Variants in TBCEL observed in about 807,000 individuals in gnomAD.
TBCEL encodes tubulin-specific chaperone cofactor E-like protein.
In TBCEL, 15 loss-of-function variants were observed where a neutral mutation model predicts 44.2. The observed-to-expected ratio is 0.34, with a 90% CI of 0.23 to 0.52. TBCEL has a LOEUF of 0.52. Among genes scored for constraint, TBCEL ranks in the 20% least tolerant of loss-of-function variants. The pLI is 0.95. For synonymous variants in TBCEL, 171 were observed against 185.4 expected (o/e 0.92, Z 0.63); for missense variants, 319 against 506.3 (o/e 0.63, Z 3.55).
intron 1 of TBCEL, among the ~76,000 whole-genome samples, chr11:121,024,505 T>C (rs540430296): frequency 1.7e-5 from 2 of 114,754 alleles, no homozygotes; most frequent in East Asian, 3.0e-4. Context: ...GCCTGGGCTA[T>C]GGCGGAGCTG....
intron 6 of TBCEL, among the ~76,000 whole-genome samples, chr11:121,057,315 A>G (rs1246944998): frequency 1.3e-5 from 2 of 151,862 alleles, no homozygotes; most frequent in East Asian, 3.9e-4. Context: ...AAAATTGACC[A>G]GCTTCATTAT....
At chr11:121,057,612 A>C in intron 6 of TBCEL, 1 of 454,940 alleles carries the variant, frequency 2.2e-6, no homozygotes, top group South Asian at 1.6e-5. Context: ...ATGGGGAAGA[A>C]GGGTAGTTGT....
chr11:121,053,780 T>TA, intron 5 of TBCEL, 48 bp downstream of exon 5: 1 of 1,589,198 alleles, frequency 6.3e-7, no homozygotes, highest in Non-Finnish European at 8.6e-7. Flanking sequence ...GCCATCTGTG[T>TA]TAGTACATAG....
At chr11:121,027,339 G>C (rs1945063994) in intron 1 of TBCEL, among the ~76,000 whole-genome samples, 1 of 152,178 alleles carries the variant, frequency 6.6e-6, no homozygotes. Flanking sequence ...TTTGGAATTA[G>C]AATGGTAATA....
intron 4 of TBCEL, 104 bp from the exon 5 acceptor site, chr11:121,053,447 T>C: frequency 1.0e-6 from 1 of 986,644 alleles, no homozygotes; most frequent in Non-Finnish European, 1.5e-6. Flanking sequence ...TTGATGTAAA[T>C]GGCCCTTTGC....
intron 5 of TBCEL, among the ~76,000 whole-genome samples, chr11:121,054,196 A>C (rs934473099): frequency 1.3e-5 from 2 of 151,926 alleles, no homozygotes; most frequent in Non-Finnish European, 2.9e-5. Flanking sequence ...TGTCAATTAA[A>C]ACATGCTTTA....
At chr11:121,072,854 A>G (rs1677436942) in intron 8 of TBCEL, among the ~76,000 whole-genome samples, 1 of 152,098 alleles carries the variant, frequency 6.6e-6, no homozygotes, top group Non-Finnish European at 1.5e-5. Context: ...ACTTAAATCT[A>G]CCTGGAATTA....
At position 121,088,184 on chromosome 11, in the gene TBCEL, A is replaced by G. The variant is rs1175620501; in HGVS notation, c.*1088A>G. On this transcript the variant is annotated 3_prime_UTR_variant, in exon 9 of 9. Coordinates refer to ENST00000683345, the MANE Select transcript of TBCEL (RefSeq NM_001363644.2). ...AGCCCTTGCTCTTGCACTTTGCATT[A>G]AAAGTGGGAAACATTAATCAAAGGG... 1 of 152,208 alleles carries G rather than the reference A, an allele frequency of 6.6e-6. No individual in the cohort carries two copies. Among genetic ancestry groups the G allele is most frequent in the Non-Finnish European group, 1.5e-5 (1 of 68,036 alleles). The allele number at this position is 152,208 out of a possible 1,614,324, so 9.4% of individuals were successfully genotyped here.
chr11:121,090,637 C>T lies in TBCEL; in HGVS notation c.*3541C>T, dbSNP rs573975107. 4.0e-5 allele frequency: 6 copies of T among 150,646 alleles called. No individual in the cohort carries two copies. In the East Asian group the frequency reaches 7.7e-4, roughly 19 times the overall value. 9.3% of individuals were successfully genotyped at this position (150,646 alleles called of 1,614,324 possible). A position where few individuals can be genotyped will look rare whatever the true frequency, so the allele number is the denominator to read the frequency against. On this transcript the variant is annotated 3_prime_UTR_variant, in exon 9 of 9. Transcript: ENST00000683345. ...GGCTCTTTACTTGCCAGTTGTCTCC[C>T]GCAGTTAATGGAAATATATATACAT...
At chr11:121,073,739 G>T (rs1318552071) in intron 8 of TBCEL, among the ~76,000 whole-genome samples, 1 of 151,856 alleles carries the variant, frequency 6.6e-6, no homozygotes, top group Non-Finnish European at 1.5e-5. Context: ...ATAGGTTCAG[G>T]TGGTTTCTAT....
chr11:121,053,926 T>C (rs934504239), intron 5 of TBCEL, among the ~76,000 whole-genome samples, 194 bp downstream of exon 5: 1 of 151,822 alleles, frequency 6.6e-6, no homozygotes, highest in African/African-American at 2.4e-5. Context: ...ATGTTCAGTG[T>C]TGAGTAGCAC....
intron 8 of TBCEL, among the ~76,000 whole-genome samples, chr11:121,076,460 T>C (rs1946035376): frequency 1.3e-5 from 2 of 152,038 alleles, no homozygotes; most frequent in African/African-American, 4.8e-5. Context: ...GTTTTAAAAT[T>C]TCAAATTCAG....
At chr11:121,077,028 A>C (rs778715048) in intron 8 of TBCEL, among the ~76,000 whole-genome samples, 15 of 151,798 alleles carry the variant, frequency 9.9e-5, no homozygotes, top group Non-Finnish European at 1.6e-4. Flanking sequence ...ATCTTTTTTT[A>C]TATGTTGGTG....
chr11:121,035,306 G>C (rs1945211820), intron 1 of TBCEL: 1 of 152,068 alleles, frequency 6.6e-6, no homozygotes, highest in Non-Finnish European at 1.5e-5. Context: ...GGTAGACTTA[G>C]AGAACTTAAG....
chr11:121,036,230 A>T (rs1171758917), intron 1 of TBCEL: 1 of 152,228 alleles, frequency 6.6e-6, no homozygotes, highest in Non-Finnish European at 1.5e-5. Context: ...TCAGTTCAGG[A>T]GTAAATGTAT....
Position 121,053,529 on chromosome 11 carries a change from GCTTTT to G in TBCEL, c.274-16_274-12del. On this transcript the variant is annotated splice_polypyrimidine_tract_variant and intron_variant, in intron 4 of 8. Coordinates refer to ENST00000683345, the MANE Select transcript of TBCEL (RefSeq NM_001363644.2). ...ACAGCTCTGATTACTGCCTGATAAT[GCTTTT>G]CTTTTTTTCTCCTTAGGTCAGTAAA... The G allele has an allele frequency of 6.2e-7, 1 of 1,608,504 alleles. No homozygotes were observed. The highest frequency in any genetic ancestry group is 8.5e-7 in the Non-Finnish European group (1 of 1,176,452).
intron 8 of TBCEL, among the ~76,000 whole-genome samples, chr11:121,081,306 C>CCTTCTGTTAGAAGGT (rs1946121134): frequency 6.6e-6 from 1 of 152,006 alleles, no homozygotes; most frequent in Non-Finnish European, 1.5e-5. Context: ...GTGGAATGGA[C>CCTTCTGTTAGAAGGT]CAGAGAACTT....
At chr11:121,039,703 T>C (rs1291251053) in intron 2 of TBCEL, among the ~76,000 whole-genome samples, 1 of 152,254 alleles carries the variant, frequency 6.6e-6, no homozygotes, top group Non-Finnish European at 1.5e-5. Context: ...ATTCTCATTC[T>C]CAGGTTGTCT....
chr11:121,087,534 T>G lies in TBCEL; in HGVS notation c.*438T>G, dbSNP rs1490471063. On this transcript the variant is annotated 3_prime_UTR_variant, in exon 9 of 9. Coordinates refer to ENST00000683345, the MANE Select transcript of TBCEL (RefSeq NM_001363644.2). Reference sequence around the variant, plus strand: ...AAGGGCCAGAACTTCTCTCTCCCAGTTCTTCCTTCCGCTACCCTCCCTCCT... The same window carrying G: ...AAGGGCCAGAACTTCTCTCTCCCAGGTCTTCCTTCCGCTACCCTCCCTCCT... 6.4e-6 allele frequency: 1 copy of G among 156,074 alleles called. No individual in the cohort carries two copies. Among genetic ancestry groups the G allele is most frequent in the Non-Finnish European group, 1.4e-5 (1 of 70,848 alleles). The allele number at this position is 156,074 out of a possible 1,614,324, so 9.7% of individuals were successfully genotyped here.
Sources: gnomAD v4.1 joint callset for allele counts (sites outside exome capture counted in the v4.1 genomes callset) on GRCh38, gnomAD v4.1.1 for gene constraint, MANE v1.5 for transcripts, NCBI Gene and HGNC (gene_info 2026-07-23, HGNC 2026-07-21) for gene names.